Variants in PDE6B observed in about 807,000 individuals in gnomAD.
PDE6B encodes phosphodiesterase 6B, also known as rod cGMP-specific 3',5'-cyclic phosphodiesterase subunit beta.
PDE6B carries 106 observed loss-of-function variants against 109.0 expected under a neutral mutation model. The ratio of observed to expected loss-of-function variants is 0.97; its 90% CI spans 0.83 to 1.14. The LOEUF (loss-of-function observed/expected upper bound fraction) is 1.14. Among genes scored for constraint, PDE6B ranks in the 50% most tolerant of loss-of-function variants. The pLI is 0.00. For synonymous variants in PDE6B, 490 were observed against 471.3 expected (o/e 1.04, Z -0.51); for missense variants, 1,193 against 1,155.6 (o/e 1.03, Z -0.47).
chr4:663,023 C>T lies in PDE6B; in HGVS notation c.1833-77C>T, dbSNP rs1488092373. 7 of 838,964 alleles carry T rather than the reference C, an allele frequency of 8.3e-6. No homozygotes were observed. The highest frequency in any genetic ancestry group is 1.3e-5 in the South Asian group (1 of 75,428). 52.0% of individuals were successfully genotyped at this position (838,964 alleles called of 1,614,324 possible). A position where few individuals can be genotyped will look rare whatever the true frequency, so the allele number is the denominator to read the frequency against. On this transcript the variant is annotated intron_variant, in intron 14 of 21. Transcript: ENST00000496514. The surrounding 1 kb of genome is among the most constrained non-coding windows in gnomAD (Gnocchi z 4.0). ...GTCTCAAAAAAAAGAAAGTGGGGCC[C>T]ATCTGGGGGGGCTGCAGAGCGCAGG...
At chr4:658,013 C>T (rs576635321) in intron 10 of PDE6B, among the ~76,000 whole-genome samples, 12 of 86,616 alleles carry the variant, frequency 1.4e-4, no homozygotes, top group East Asian at 7.5e-4. Flanking sequence ...CATGGCTGTG[C>T]GGTGGGGGCA....
In PDE6B at chr4:634,679, C is replaced by T. The variant is rs905582791; in HGVS notation, c.471C>T (p.Cys157=). The T allele has an allele frequency of 8.1e-6, 13 of 1,611,804 alleles. No homozygotes were observed. In the African/African-American group the frequency reaches 1.3e-4, roughly 17 times the overall value. The change falls in exon 2 of 22, where the codon TGC becomes TGT. Residue 157 remains cysteine (C), a splice_region_variant and synonymous_variant. Transcript: ENST00000496514. ...KMVNVEDVAE[C]PHFSSFADEL... is the part of the protein sequence containing the mutation. ...GCCTCTTTCCTCTCTTGCGGCAGTG[C>T]CCTCACTTCAGCTCATTTGCTGACG...
At chr4:661,822 C>T (rs1737134937) in intron 12 of PDE6B, 1 of 425,880 alleles carries the variant, frequency 2.3e-6, no homozygotes, top group African/African-American at 2.0e-5. Context: ...TATGCTGCAT[C>T]CCCAGGGGTC....
Position 646,863 on chromosome 4 carries a change from CT to C in PDE6B, c.712-6977del, listed in dbSNP as rs1177100337. Among the ~76,000 whole-genome samples, 1,015 of 145,440 alleles carry C rather than the reference CT, an allele frequency of 7.0e-3. 10 individuals carry two copies. The highest frequency in any genetic ancestry group is 0.014 in the African/African-American group (560 of 39,764). On this transcript the variant is annotated intron_variant, in intron 3 of 21. Coordinates refer to ENST00000496514, the MANE Select transcript of PDE6B (RefSeq NM_000283.4). ...TAGCATATTGATCATCATAATTTTC[CT>C]TTTTTTTTTTTGAGACATTGTCTTG...
At position 657,021 on chromosome 4, in the gene PDE6B, G is replaced by A. The variant is rs1374268842; in HGVS notation, c.1255G>A (p.Glu419Lys). 6.2e-7 allele frequency: 1 copy of A among 1,612,964 alleles called. No individual in the cohort carries two copies. Among genetic ancestry groups the A allele is most frequent in the Non-Finnish European group, 8.5e-7 (1 of 1,179,930 alleles). ...TGACGAACAGGACGAGGTTCTCATG[G>A]AGGTAAGCACCTGGGCAGACGTGGT... is the stretch of plus-strand genomic sequence containing the variant. ...PFDEQDEVLM[E>K]SLTQFLGWSV... is the part of the protein sequence containing the mutation. The change falls in exon 9 of 22, where the codon GAG becomes AAG. Residue 419 changes from glutamate to lysine, a missense_variant and splice_region_variant. Glu to Lys is a moderately conservative substitution (Grantham distance 56, BLOSUM62 1). Coordinates refer to ENST00000496514, the MANE Select transcript of PDE6B (RefSeq NM_000283.4).
rs1735338320 is a variant in PDE6B at position 648,780 on chromosome 4, G to A, written c.712-5072G>A. Among the ~76,000 whole-genome samples the A allele has an allele frequency of 1.3e-5, 2 of 152,388 alleles. No individual in the cohort carries two copies. Among genetic ancestry groups the A allele is most frequent in the Admixed American group, 1.3e-4 (2 of 15,308 alleles). On this transcript the variant is annotated intron_variant, in intron 3 of 21. Transcript: ENST00000496514. The surrounding 1 kb of genome is among the most constrained non-coding windows in gnomAD (Gnocchi z 4.5). ...CAGCTGTCTGAGCTGCAGCAAAGCT[G>A]CATGAAAGGCCTGTGGGTGCAGGGC...
At position 635,951 on chromosome 4, in the gene PDE6B, C is replaced by T. The variant is rs1054222737; in HGVS notation, c.693C>T (p.Cys231=). Residue 231 remains cysteine, a synonymous_variant, in exon 3 of 22, where the codon TGC becomes TGT. Transcript: ENST00000496514. ...ATCACCTGAGCTACCTCCACAACTG[C>T]GAGACGCGCCGCGGCCAGGTACCCA... is the stretch of plus-strand genomic sequence containing the variant. ...KIYHLSYLHN[C]ETRRGQVLLW... is the part of the protein sequence containing the mutation. The T allele has an allele frequency of 5.6e-6, 9 of 1,604,720 alleles. No individual in the cohort carries two copies. The East Asian group carries it at 8.9e-5, about 16-fold the overall frequency.
intron 3 of PDE6B, among the ~76,000 whole-genome samples, chr4:640,513 T>G (rs1401510713): frequency 6.6e-6 from 1 of 152,182 alleles, no homozygotes; most frequent in Non-Finnish European, 1.5e-5. Flanking sequence ...CACCCCAGCC[T>G]GGACGACAGA....
At chr4:635,175 G>A (rs1264853100) in intron 2 of PDE6B, among the ~76,000 whole-genome samples, 3 of 105,336 alleles carry the variant, frequency 2.8e-5, no homozygotes, top group South Asian at 7.7e-4. Context: ...TGTGCTGCGC[G>A]TCCACCTCCT....
At chr4:655,671 G>A in intron 6 of PDE6B, 1 of 570,606 alleles carries the variant, frequency 1.8e-6, no homozygotes, top group South Asian at 2.0e-5. Flanking sequence ...AGTAAATGCT[G>A]AGGATGGCAC....
chr4:655,008 G>C, intron 6 of PDE6B, 120 bp downstream of exon 6: 1 of 758,156 alleles, frequency 1.3e-6, no homozygotes, highest in Admixed American at 1.9e-5. Context: ...CACCGGCCTG[G>C]CCTGGCCCCA....
chr4:634,012 G>T (rs118140599), intron 1 of PDE6B, among the ~76,000 whole-genome samples: 1 of 151,768 alleles, frequency 6.6e-6, no homozygotes, highest in African/African-American at 2.4e-5. Context: ...GGGTGGGTGG[G>T]TACCCCCTGG....
rs1485246331 is a variant in PDE6B, at chr4:663,316, G to A, written c.1920+129G>A. 1.3e-5 allele frequency: 9 copies of A among 699,148 alleles called. No homozygotes were observed. The highest frequency in any genetic ancestry group is 4.3e-5 in the Admixed American group (2 of 46,094). The allele number at this position is 699,148 out of a possible 1,614,324, so 43.3% of individuals were successfully genotyped here. A position where few individuals can be genotyped will look rare whatever the true frequency, so the allele number is the denominator to read the frequency against. On this transcript the variant is annotated intron_variant, in intron 15 of 21. Transcript: ENST00000496514. The surrounding 1 kb of genome is among the most constrained non-coding windows in gnomAD (Gnocchi z 4.0). ...AGCACTGGGTGTGTGAGCACTGGGG[G>A]AGGGCGGCAGAGAAGGCGGAGGGCC...
At chr4:652,622 A>C in intron 3 of PDE6B, 7 of 343,606 alleles carry the variant, frequency 2.0e-5, no homozygotes, top group Non-Finnish European at 2.5e-5. Flanking sequence ...AAGAATAAGA[A>C]TGTAAAACAA....
intron 3 of PDE6B, among the ~76,000 whole-genome samples, chr4:638,774 G>T (rs541282507): frequency 2.0e-5 from 3 of 152,302 alleles, no homozygotes; most frequent in Admixed American, 2.0e-4. Flanking sequence ...GGGGGGCTGG[G>T]CCTGGTGTTT....
rs142471104 is a variant in PDE6B, at chr4:665,124, G to A, written c.2194-131G>A. 1,111 of 827,326 alleles carry A rather than the reference G, an allele frequency of 1.3e-3. 16 individuals are homozygous for A. The East Asian group carries it at 0.027, about 20-fold the overall frequency. The allele number at this position is 827,326 out of a possible 1,614,324, so 51.2% of individuals were successfully genotyped here. A position where few individuals can be genotyped will look rare whatever the true frequency, so the allele number is the denominator to read the frequency against. On this transcript the variant is annotated intron_variant, in intron 18 of 21. Coordinates refer to ENST00000496514, the MANE Select transcript of PDE6B (RefSeq NM_000283.4). The surrounding 1 kb of genome is among the most constrained non-coding windows in gnomAD (Gnocchi z 4.0). ...TGCAGTGTGTCTACATGGCTCAACCGGAGCCCTGTGTGGTGGGGACCCCGG... is the reference window on the plus strand; with the variant it reads ...TGCAGTGTGTCTACATGGCTCAACCAGAGCCCTGTGTGGTGGGGACCCCGG...
intron 6 of PDE6B, chr4:655,188 G>T (rs1560120601): frequency 2.1e-6 from 1 of 479,770 alleles, no homozygotes; most frequent in Non-Finnish European, 3.8e-6. Flanking sequence ...AGGCGGCCTC[G>T]TCAGCAACAA....
In PDE6B at chr4:655,891, G is replaced by C. The variant is rs115328178; in HGVS notation, c.993-49G>C. On this transcript the variant is annotated intron_variant, in intron 6 of 21. Coordinates refer to ENST00000496514, the MANE Select transcript of PDE6B (RefSeq NM_000283.4). ...TCCAGTCCCTCTGACTCCTGCACGC[G>C]CACATCCAGCCCGGCGTGGCCTATC... is the stretch of plus-strand genomic sequence containing the variant. 2,345 of 1,091,412 alleles carry C rather than the reference G, an allele frequency of 2.1e-3. 41 individuals are homozygous for C. In the African/African-American group the frequency reaches 0.032, roughly 15 times the overall value. The allele number at this position is 1,091,412 out of a possible 1,614,324, so 67.6% of individuals were successfully genotyped here.
chr4:637,055 A>C (rs1366016414), intron 3 of PDE6B, among the ~76,000 whole-genome samples: 2 of 152,168 alleles, frequency 1.3e-5, no homozygotes, highest in African/African-American at 4.8e-5. Flanking sequence ...TCAATCATTT[A>C]TTTATGTCAG....
Sources: gnomAD v4.1 joint callset for allele counts (sites outside exome capture counted in the v4.1 genomes callset) on GRCh38, gnomAD v4.1.1 for gene constraint, Gnocchi (gnomAD v3.1) non-coding constraint, MANE v1.5 for transcripts, NCBI Gene and HGNC (gene_info 2026-07-23, HGNC 2026-07-21) for gene names.